MACF1: variants seen among roughly 807,000 people sequenced by gnomAD.
MACF1 encodes the protein microtubule actin crosslinking factor 1.
MACF1 carries 193 observed loss-of-function variants against 854.8 expected under a neutral mutation model. The ratio of observed to expected loss-of-function variants is 0.23; its 90% confidence interval spans 0.20 to 0.25. The LOEUF is 0.25. Among genes scored for constraint, MACF1 ranks in the 10% least tolerant of loss-of-function variants. The pLI, the probability that MACF1 is intolerant of heterozygous loss-of-function variation, is 1.00. For missense variants in MACF1, 7,722 were observed against 8,929.1 expected (o/e 0.86, Z 5.45); for synonymous variants, 3,185 against 3,226.7 (o/e 0.99, Z 0.44).
intron 1 of MACF1, among the ~76,000 whole-genome samples, chr1:39,228,053 G>A (rs1174416571): frequency 1.3e-5 from 2 of 152,240 alleles, no homozygotes; most frequent in Admixed American, 6.5e-5. Context: ...CCAGGTGCCT[G>A]TAATCCCAGC....
intron 2 of MACF1, among the ~76,000 whole-genome samples, chr1:39,182,434 G>C (rs1244556517): frequency 1.3e-5 from 2 of 151,766 alleles, no homozygotes; most frequent in Non-Finnish European, 1.5e-5. Flanking sequence ...CACAGAATGG[G>C]AGAAAATATT....
At chr1:39,284,755 T>C (rs1645612205) in intron 11 of MACF1, among the ~76,000 whole-genome samples, 2 of 152,188 alleles carry the variant, frequency 1.3e-5, no homozygotes, top group South Asian at 4.1e-4. Context: ...TATTCAGAAT[T>C]TGATTCCCAG....
At position 39,385,891 on chromosome 1, in the gene MACF1, C is replaced by T. The variant is rs774053238; in HGVS notation, c.14306C>T (p.Thr4769Ile). 3.6e-5 allele frequency: 58 copies of T among 1,613,092 alleles called. No individual in the cohort carries two copies. The highest frequency in any genetic ancestry group is 4.1e-5 in the Non-Finnish European group (48 of 1,179,334). The change falls in exon 57 of 101, where the codon ACA becomes ATA. Residue 4769 changes from threonine to isoleucine, a missense_variant. By Grantham distance (89) the Thr-to-Ile change is moderately conservative. Transcript: ENST00000564288. Reference sequence around the variant, plus strand: ...GATGAACTGAAGAAGCGTTTGGAGACAGTTGCCCTGCCTCTCCAAGGTTTA... The same window carrying T: ...GATGAACTGAAGAAGCGTTTGGAGATAGTTGCCCTGCCTCTCCAAGGTTTA... ...LKDELKKRLE[T>I]VALPLQGLED...
chr1:39,441,412 A>C (rs1644114358), intron 74 of MACF1, 87 bp downstream of exon 74: 3 of 1,061,612 alleles, frequency 2.8e-6, no homozygotes, highest in Non-Finnish European at 4.3e-6. Flanking sequence ...ACAAAAGTGG[A>C]TCACCTTCAC....
chr1:39,287,662 C>A, intron 15 of MACF1, 100 bp downstream of exon 15: 1 of 1,262,936 alleles, frequency 7.9e-7, no homozygotes, highest in South Asian at 1.4e-5. Flanking sequence ...TGTGCAGATT[C>A]CCTTAATTAT....
At chr1:39,153,020 A>T (rs926302494) in intron 2 of MACF1, among the ~76,000 whole-genome samples, 17 of 152,216 alleles carry the variant, frequency 1.1e-4, no homozygotes, top group Non-Finnish European at 2.1e-4. Flanking sequence ...TAGCTGACTT[A>T]GTGGTGCAGC....
rs140542481 is a variant in MACF1, at chr1:39,325,124, G to A, written c.4478+390G>A. ...GGTGTGGTTACACATGAAAATTATC[G>A]CATAAAGTGACAGAGATTTGAATTA... On this transcript the variant is annotated intron_variant, in intron 35 of 100. Transcript: ENST00000564288. Among the ~76,000 whole-genome samples, 49 of 152,282 alleles carry A rather than the reference G, an allele frequency of 3.2e-4. No homozygotes were observed. In the East Asian group the frequency reaches 4.8e-3, roughly 15 times the overall value.
Position 39,170,986 on chromosome 1 carries a change from C to G in MACF1, c.221-60196C>G, listed in dbSNP as rs147844540. Among the ~76,000 whole-genome samples the G allele has an allele frequency of 5.0e-3, 764 of 152,300 alleles. 9 individuals are homozygous for G. The highest frequency in any genetic ancestry group is 0.017 in the African/African-American group (719 of 41,572). ...CACCTGCTGTTCTGGCGCCTGGTAGCTATGTAACTTGTCCCCCACTTGGTA... is the reference window on the plus strand; with the variant it reads ...CACCTGCTGTTCTGGCGCCTGGTAGGTATGTAACTTGTCCCCCACTTGGTA... On this transcript the variant is annotated intron_variant, in intron 2 of 93. Coordinates refer to the MACF1 transcript ENST00000361689.
intron 58 of MACF1, chr1:39,412,248 A>G (rs1221464575): frequency 6.2e-7 from 1 of 1,614,034 alleles, no homozygotes; most frequent in Non-Finnish European, 8.5e-7. Context: ...ATGAACTAAC[A>G]GATGTTACCT....
chr1:39,239,729 T>G (rs1310812090), intron 2 of MACF1, among the ~76,000 whole-genome samples: 1 of 152,158 alleles, frequency 6.6e-6, no homozygotes, highest in Non-Finnish European at 1.5e-5. Context: ...CTTCACAGGT[T>G]AGTAGTTAGA....
Position 39,387,889 on chromosome 1 carries a change from A to G in MACF1, c.15047A>G (p.Gln5016Arg). 1 of 1,614,012 alleles carries G rather than the reference A, an allele frequency of 6.2e-7. No homozygotes were observed. The highest frequency in any genetic ancestry group is 8.5e-7 in the Non-Finnish European group (1 of 1,180,022). The part of the protein sequence containing the change: ...EEMTQRLREF[Q>R]ESFKNIEKKV... The stretch of plus-strand genomic sequence containing the variant: ...ATGACTCAGAGGCTCAGGGAGTTCC[A>G]GGAAAGCTTTAAGAATATTGAAAAG... Residue 5016 changes from glutamine to arginine, a missense_variant, in exon 58 of 101, where the codon CAG becomes CGG. Transcript: ENST00000564288.
chr1:39,436,788 C>G (rs1220155101), intron 70 of MACF1, among the ~76,000 whole-genome samples: 1 of 152,136 alleles, frequency 6.6e-6, no homozygotes, highest in Non-Finnish European at 1.5e-5. Context: ...CTGTTTTGCT[C>G]TTTTCTCTCC....
chr1:39,131,151 CTTTTTT>C (rs34762038), intron 2 of MACF1, among the ~76,000 whole-genome samples: 8 of 42,348 alleles, frequency 1.9e-4, no homozygotes, highest in Admixed American at 1.5e-3. Context: ...TGCGCCCGGC[CTTTTTT>C]TTTTTTTTTT....
intron 58 of MACF1, among the ~76,000 whole-genome samples, chr1:39,404,813 C>T (rs1490317871): frequency 6.6e-6 from 1 of 152,182 alleles, no homozygotes; most frequent in African/African-American, 2.4e-5. Context: ...GTCCTGCCTT[C>T]AGCTCTCTAC....
At chr1:39,225,950 G>C (rs1644711206) in intron 1 of MACF1, among the ~76,000 whole-genome samples, 1 of 152,126 alleles carries the variant, frequency 6.6e-6, no homozygotes, top group South Asian at 2.1e-4. Context: ...GGATTTCCTT[G>C]CTAAAAATTA....
chr1:39,296,827 G>A (rs796138686), intron 20 of MACF1, among the ~76,000 whole-genome samples: 12,429 of 138,674 alleles, frequency 0.09, 1,719 homozygotes, highest in African/African-American at 0.28. Flanking sequence ...AGGAAGGAAG[G>A]AAGGAAGGAA....
chr1:39,449,717 T>C (rs1644299285), intron 84 of MACF1, among the ~76,000 whole-genome samples: 1 of 140,810 alleles, frequency 7.1e-6, no homozygotes, highest in African/African-American at 2.7e-5. Flanking sequence ...TTTTTTGTCA[T>C]GTTGAGACAG....
chr1:39,150,261 C>T (rs112575493), intron 2 of MACF1, among the ~76,000 whole-genome samples: 3,493 of 152,264 alleles, frequency 0.023, 80 homozygotes, highest in East Asian at 0.13. Flanking sequence ...TCAAGCGATT[C>T]GCCCACCTTG....
chr1:39,469,473 A>T, intron 96 of MACF1, 74 bp from the exon 97 acceptor site: 2 of 1,153,940 alleles, frequency 1.7e-6, no homozygotes, highest in South Asian at 2.6e-5. Flanking sequence ...CTGTCTGCCA[A>T]TTTGTCTTTC....
Sources: allele counts gnomAD v4.1 joint callset (sites outside exome capture counted in the v4.1 genomes callset), GRCh38; gene constraint gnomAD v4.1.1; transcripts MANE v1.5; gene names NCBI Gene and HGNC (gene_info 2026-07-23, HGNC 2026-07-21).